The following ERI1 variants were observed in gnomAD, a reference collection of about 807,000 sequenced individuals.
ERI1 encodes the protein exoribonuclease 1.
In ERI1, 39 loss-of-function variants were observed where a neutral mutation model predicts 39.7. That is an observed-to-expected ratio of 0.98 (90% CI 0.76 to 1.28). ERI1 has a LOEUF of 1.28. Among genes scored for constraint, ERI1 ranks in the 50% most tolerant of loss-of-function variants. The pLI is 0.00. For missense variants in ERI1, 581 were observed against 416.9 expected, an observed-to-expected ratio of 1.39 and a Z score of -3.43; for synonymous variants, 204 against 149.6, an observed-to-expected ratio of 1.36 and a Z score of -2.65.
chr8:9,009,190 C>G, intron 2 of ERI1: 7 of 408,182 alleles, frequency 1.7e-5, no homozygotes, highest in South Asian at 1.1e-4. Context: ...AAGTACTGCA[C>G]TAGGCATTGA....
At chr8:9,033,420 C>G (rs1315677383), downstream of ERI1, 2 of 82,198 alleles carry the variant, frequency 2.4e-5, no homozygotes, top group African/African-American at 1.0e-4. Context: ...ATCAGTGGCA[C>G]CATCTGGCCA....
intron 3 of ERI1, among the ~76,000 whole-genome samples, chr8:9,051,276 C>G (rs758811656): frequency 2.6e-5 from 4 of 151,958 alleles, no homozygotes; most frequent in Non-Finnish European, 5.9e-5. Context: ...CTGGTGGGGA[C>G]TCTGTGGAGT....
intron 2 of ERI1, chr8:9,009,147 A>C: frequency 2.2e-6 from 1 of 452,132 alleles, no homozygotes; most frequent in Non-Finnish European, 4.4e-6. Context: ...ATGTATGTTT[A>C]TACGTTTATT....
At chr8:9,011,515 T>C in intron 2 of ERI1, 27 bp from the exon 3 acceptor site, 1 of 1,493,426 alleles carries the variant, frequency 6.7e-7, no homozygotes. Context: ...TTTACCTAAG[T>C]GTAACTAGTC....
rs1175027606 is a variant in ERI1, at chr8:9,031,895, T to C, written c.*1861T>C. 1 of 152,248 alleles carries C rather than the reference T, an allele frequency of 6.6e-6. No homozygotes were observed. Among genetic ancestry groups the C allele is most frequent in the East Asian group, 1.9e-4 (1 of 5,196 alleles). 9.4% of individuals were successfully genotyped at this position (152,248 alleles called of 1,614,324 possible). A position where few individuals can be genotyped will look rare whatever the true frequency, so the allele number is the denominator to read the frequency against. On this transcript the variant is annotated 3_prime_UTR_variant, in exon 7 of 7. Transcript: ENST00000250263. ...GCCTCAGCCTCCTGAGTAGCTCAGA[T>C]TACAGGCGCGTGCCACCACACCCGC...
At chr8:9,033,675 A>G (rs1797740451), downstream of ERI1, among the ~76,000 whole-genome samples, 1 of 152,238 alleles carries the variant, frequency 6.6e-6, no homozygotes, top group African/African-American at 2.4e-5. Flanking sequence ...TGCAGTTTAC[A>G]GATGGGAAAG....
intron 3 of ERI1, among the ~76,000 whole-genome samples, chr8:9,078,968 G>C (rs939866140): frequency 6.6e-6 from 1 of 152,164 alleles, no homozygotes; most frequent in Non-Finnish European, 1.5e-5. Flanking sequence ...TAAAAAAAAT[G>C]TAAAGACTAA....
rs754879094 is a variant in ERI1, at chr8:9,011,736, C to T, written c.482C>T (p.Thr161Met). The T allele has an allele frequency of 4.7e-5, 76 of 1,601,974 alleles. No homozygotes were observed. The highest frequency in any genetic ancestry group is 5.8e-5 in the Non-Finnish European group (68 of 1,173,012). ...GAATTTCCGGTTGTTTTACTGAATA[C>T]GCATACTTTAGAAATAGTAAGTGAA... The part of the protein sequence containing the change: ...IIEFPVVLLN[T>M]HTLEIEDTFQ... Residue 161 changes from threonine to methionine, a missense_variant, in exon 3 of 7, where the codon ACG (threonine) becomes ATG (methionine). Transcript: ENST00000250263.
intron 3 of ERI1, among the ~76,000 whole-genome samples, chr8:9,047,634 G>T (rs1484421678): frequency 6.6e-6 from 1 of 151,992 alleles, no homozygotes; most frequent in Non-Finnish European, 1.5e-5. Context: ...AGGAGTTTGA[G>T]GCTGCAGTGA....
At chr8:9,008,909 C>A (rs370866926) in intron 2 of ERI1, 61 of 423,304 alleles carry the variant, frequency 1.4e-4, no homozygotes, top group African/African-American at 1.2e-3. Flanking sequence ...TAGTAGTATT[C>A]TTCCTCTTTA....
chr8:9,007,978 AC>A lies in ERI1; in HGVS notation c.118del (p.Gln40SerfsTer40). 7.1e-7 allele frequency: 1 copy of A among 1,404,140 alleles called. No individual in the cohort carries two copies. Among genetic ancestry groups the A allele is most frequent in the Non-Finnish European group, 9.6e-7 (1 of 1,043,368 alleles). The allele number at this position is 1,404,140 out of a possible 1,614,324, so 87.0% of individuals were successfully genotyped here. A position where few individuals can be genotyped will look rare whatever the true frequency, so the allele number is the denominator to read the frequency against. On this transcript the variant is annotated frameshift_variant, in exon 2 of 7. Coordinates refer to ENST00000250263, the MANE Select transcript of ERI1 (RefSeq NM_153332.4). LOFTEE classifies it high-confidence loss of function. ...TTTTTTTTTTTTGGTAGGAAACTCA[AC>A]AGTGTAAATTTGATGGCCAGGAGAC... is the stretch of plus-strand genomic sequence containing the variant. ...PPRPSPEETQQCKFDGQETKG... is the reference protein window; with the variant it reads ...PPRPSPEETQXCKFDGQETKG...
chr8:9,056,292 G>A (rs549903433), intron 3 of ERI1, among the ~76,000 whole-genome samples: 5 of 152,228 alleles, frequency 3.3e-5, no homozygotes, highest in African/African-American at 7.2e-5. Flanking sequence ...GCTCTGTCCT[G>A]CTCCTACCTC....
chr8:9,005,234 C>T (rs1025057908), intron 1 of ERI1, among the ~76,000 whole-genome samples: 3 of 151,856 alleles, frequency 2.0e-5, no homozygotes, highest in Non-Finnish European at 4.4e-5. Flanking sequence ...AAAGGTAGTA[C>T]CTAGATTTTT....
rs187265912 is a variant in ERI1 at position 9,019,398 on chromosome 8, C to T, written c.693-952C>T. On this transcript the variant is annotated intron_variant, in intron 5 of 6. Transcript: ENST00000250263. ...AGTTTGGAAAAATGTTTATGGACCT[C>T]TTTAGAAATCCATTACTGATTTTAA... Among the ~76,000 whole-genome samples, 1,139 of 152,292 alleles carry T rather than the reference C, an allele frequency of 7.5e-3. 11 individuals carry two copies. Among genetic ancestry groups the T allele is most frequent in the Non-Finnish European group, 9.8e-3 (668 of 68,030 alleles).
At chr8:9,070,190 G>C (rs76111352) in intron 3 of ERI1, among the ~76,000 whole-genome samples, 1 of 151,760 alleles carries the variant, frequency 6.6e-6, no homozygotes, top group East Asian at 1.9e-4. Context: ...AGTGAGCTGA[G>C]ATTGCACCAC....
rs376343054 is a variant in ERI1, at chr8:9,003,243, C to A, written c.108+72C>A. ...CCCAAAGCGCCCTCGGCACCCCTTTCTTCTCAGGTGTCCCGCAGAAGGTGC... is the reference window on the plus strand; with the variant it reads ...CCCAAAGCGCCCTCGGCACCCCTTTATTCTCAGGTGTCCCGCAGAAGGTGC... On this transcript the variant is annotated intron_variant, in intron 1 of 6. Transcript: ENST00000250263. 5.4e-5 allele frequency: 50 copies of A among 923,752 alleles called. No homozygotes were observed. The African/African-American group carries it at 6.6e-4, about 12-fold the overall frequency. 57.2% of individuals were successfully genotyped at this position (923,752 alleles called of 1,614,324 possible).
At chr8:9,035,330 T>A (rs1797808702), downstream of ERI1, among the ~76,000 whole-genome samples, 1 of 152,096 alleles carries the variant, frequency 6.6e-6, no homozygotes, top group African/African-American at 2.4e-5. Context: ...GAGAAGTCAG[T>A]GCTTGGCTTC....
intron 3 of ERI1, among the ~76,000 whole-genome samples, chr8:9,015,740 A>AAAAAAAAAAAAAAAAAAAAG (rs1182633803): frequency 6.7e-6 from 1 of 148,520 alleles, no homozygotes; most frequent in African/African-American, 2.6e-5. Context: ...AAAAAAAAAA[A>AAAAAAAAAAAAAAAAAAAAG]AGAGACCATC....
At chr8:9,028,787 A>G (rs2117295028) in intron 6 of ERI1, among the ~76,000 whole-genome samples, 1 of 151,716 alleles carries the variant, frequency 6.6e-6, no homozygotes, top group African/African-American at 2.4e-5. Flanking sequence ...CCATAGCCAG[A>G]TAATTTTTAT....
Sources: gnomAD v4.1 joint callset for allele counts (sites outside exome capture counted in the v4.1 genomes callset) on GRCh38, gnomAD v4.1.1 for gene constraint, MANE v1.5 for transcripts, NCBI Gene and HGNC (gene_info 2026-07-23, HGNC 2026-07-21) for gene names.